SYNJ2: variants seen among roughly 807,000 people sequenced by gnomAD.
The protein encoded by SYNJ2 is synaptojanin 2, also known as polyphosphatidylinositol phosphatase SYNJ2.
Under a neutral mutation model 141.3 loss-of-function variants are expected in SYNJ2, and 116 were observed. The ratio of observed to expected loss-of-function variants is 0.82; its 90% CI spans 0.71 to 0.96. The LOEUF is 0.96. SYNJ2 is among the 40% of genes least tolerant of loss of function. The pLI is 0.00. For synonymous variants in SYNJ2, 745 were observed against 777.7 expected, an observed-to-expected ratio of 0.96 and a Z score of 0.70; for missense variants, 1,873 against 1,934.8, an observed-to-expected ratio of 0.97 and a Z score of 0.60.
chr6:158,087,053 A>T, intron 23 of SYNJ2, 64 bp downstream of exon 23: 3 of 1,544,286 alleles, frequency 1.9e-6, no homozygotes, highest in South Asian at 2.3e-5. Context: ...GTTCCCTGCT[A>T]CTGAAAACAC....
At chr6:157,990,727 CTG>C (rs1224833796) in intron 1 of SYNJ2, among the ~76,000 whole-genome samples, 5 of 152,232 alleles carry the variant, frequency 3.3e-5, no homozygotes, top group Admixed American at 2.0e-4. Flanking sequence ...GGCTGCCTGT[CTG>C]TGAATGCTAA....
chr6:157,983,166 G>A (rs1327626468), intron 1 of SYNJ2, among the ~76,000 whole-genome samples: 1 of 152,124 alleles, frequency 6.6e-6, no homozygotes, highest in African/African-American at 2.4e-5. Context: ...TGTATGCATC[G>A]ACTCCCGTTC....
At chr6:158,025,331 G>T (rs960679574) in intron 2 of SYNJ2, among the ~76,000 whole-genome samples, 1 of 152,068 alleles carries the variant, frequency 6.6e-6, no homozygotes, top group Admixed American at 6.6e-5. Flanking sequence ...TTAACTTGGG[G>T]GTGCACACAT....
chr6:157,992,758 T>C (rs1321191597), intron 1 of SYNJ2, among the ~76,000 whole-genome samples: 1 of 152,230 alleles, frequency 6.6e-6, no homozygotes, highest in Non-Finnish European at 1.5e-5. Flanking sequence ...TCCATGTTGT[T>C]GCAGATAACA....
rs574010586 is a variant in SYNJ2, at chr6:157,994,604, G to A, written c.127+12516G>A. 2.0e-5 allele frequency among the ~76,000 whole-genome samples: 3 copies of A among 152,334 alleles called. No homozygotes were observed. In the East Asian group the frequency reaches 5.8e-4, roughly 29 times the overall value. On this transcript the variant is annotated intron_variant, in intron 1 of 26. Coordinates refer to ENST00000355585, the MANE Select transcript of SYNJ2 (RefSeq NM_003898.4). Reference sequence around the variant, plus strand: ...AGCTGGGTGGAAAATGGGAGGGCCAGCAGCGAGCTGCAGGAATGGAATTCC... The same window carrying A: ...AGCTGGGTGGAAAATGGGAGGGCCAACAGCGAGCTGCAGGAATGGAATTCC...
At chr6:158,066,712 C>T (rs1458971292) in intron 12 of SYNJ2, 77 bp downstream of exon 12, 2 of 1,517,220 alleles carry the variant, frequency 1.3e-6, no homozygotes, top group Non-Finnish European at 1.8e-6. Context: ...CTTTAGTGGC[C>T]ATCGTCTTGT....
At chr6:157,989,276 C>G (rs140864628) in intron 1 of SYNJ2, among the ~76,000 whole-genome samples, 1 of 151,984 alleles carries the variant, frequency 6.6e-6, no homozygotes, top group East Asian at 1.9e-4. Flanking sequence ...TTACTTCATC[C>G]TTATGTCAAG....
chr6:158,005,293 G>A (rs1778023700), intron 1 of SYNJ2, among the ~76,000 whole-genome samples: 2 of 152,114 alleles, frequency 1.3e-5, no homozygotes, highest in South Asian at 2.1e-4. Flanking sequence ...TAGCCAGGAT[G>A]GTCTCAATCT....
chr6:158,078,015 C>T (rs1389833876), intron 17 of SYNJ2, 149 bp from the exon 18 acceptor site: 3 of 624,862 alleles, frequency 4.8e-6, no homozygotes, highest in Non-Finnish European at 5.8e-6. Context: ...GCATCCGAAG[C>T]CTGGCTTCAA....
chr6:158,030,336 A>G (rs1779295016), intron 3 of SYNJ2: 1 of 152,620 alleles, frequency 6.6e-6, no homozygotes, highest in Non-Finnish European at 1.5e-5. Context: ...AAGCTATATC[A>G]GTTTTCCCAG....
chr6:158,074,923 CTTTTTTT>C lies in SYNJ2; in HGVS notation c.2292+201_2292+207del, dbSNP rs66487650. Among the ~76,000 whole-genome samples, 197 of 144,330 alleles carry C rather than the reference CTTTTTTT, an allele frequency of 1.4e-3. 2 individuals carry two copies. Among genetic ancestry groups the C allele is most frequent in the African/African-American group, 4.7e-3 (182 of 38,640 alleles). The allele number at this position is 144,330 out of a possible 152,430, so 94.7% of individuals were successfully genotyped here. ...TGGCTGTTCATACACACTTCCTGTC[CTTTTTTT>C]TTTTTTTTTTTTTTTCCTGAGGCAG... is the stretch of plus-strand genomic sequence containing the variant. On this transcript the variant is annotated intron_variant, in intron 16 of 26. Coordinates refer to ENST00000355585, the MANE Select transcript of SYNJ2 (RefSeq NM_003898.4).
chr6:158,007,084 G>A (rs1458895397), intron 1 of SYNJ2, among the ~76,000 whole-genome samples: 1 of 152,110 alleles, frequency 6.6e-6, no homozygotes, highest in Non-Finnish European at 1.5e-5. Context: ...TCTCACCTCA[G>A]CCTCCCAAGA....
chr6:158,050,258 A>T (rs1259819267), intron 5 of SYNJ2, among the ~76,000 whole-genome samples: 6 of 152,254 alleles, frequency 3.9e-5, no homozygotes, highest in African/African-American at 7.2e-5. Context: ...TAAAACACAG[A>T]TTCCTGGCCC....
rs150526454 is a variant in SYNJ2 at position 158,078,211 on chromosome 6, G to C, written c.2497G>C (p.Val833Leu). ...LDSDLDVDTK[V>L]RHTWSPGALQ... ...CAGTGATCTAGATGTTGACACCAAA[G>C]TCAGACACACCTGGTCTCCTGGTGC... Residue 833 changes from valine (V) to leucine (L), a missense_variant, in exon 18 of 27, where the codon GTC becomes CTC. Coordinates refer to ENST00000355585, the MANE Select transcript of SYNJ2 (RefSeq NM_003898.4). The C allele has an allele frequency of 5.6e-6, 9 of 1,614,004 alleles. No individual in the cohort carries two copies. The highest frequency in any genetic ancestry group is 7.6e-6 in the Non-Finnish European group (9 of 1,180,016).
Position 158,059,355 on chromosome 6 carries a change from T to G in SYNJ2, c.954+2T>G. 1 of 1,549,792 alleles carries G rather than the reference T, an allele frequency of 6.5e-7. No homozygotes were observed. ...GAGGTGCTCAACAGAGCCTTCAAGGTAAGGCCAGGCTGTCCTCTCCACAGC... is the reference window on the plus strand; with the variant it reads ...GAGGTGCTCAACAGAGCCTTCAAGGGAAGGCCAGGCTGTCCTCTCCACAGC... On this transcript the variant is annotated splice_donor_variant, in intron 7 of 26. Transcript: ENST00000355585. LOFTEE classifies it high-confidence loss of function.
At chr6:157,998,922 C>T (rs573609099) in intron 1 of SYNJ2, among the ~76,000 whole-genome samples, 14 of 152,138 alleles carry the variant, frequency 9.2e-5, no homozygotes, top group East Asian at 5.8e-4. Flanking sequence ...CCCCTGTGTC[C>T]GAATGATAGA....
At chr6:158,063,338 G>C (rs1228126468) in intron 8 of SYNJ2, among the ~76,000 whole-genome samples, 1 of 152,096 alleles carries the variant, frequency 6.6e-6, no homozygotes, top group African/African-American at 2.4e-5. Flanking sequence ...TGGACACTGG[G>C]GTTTCTGGGG....
chr6:157,991,152 A>AAG (rs1427425082), intron 1 of SYNJ2, among the ~76,000 whole-genome samples: 1 of 151,980 alleles, frequency 6.6e-6, no homozygotes, highest in Non-Finnish European at 1.5e-5. Context: ...TAAGGAGGGG[A>AAG]AGAGAGAACG....
intron 1 of SYNJ2, among the ~76,000 whole-genome samples, chr6:157,994,701 G>A (rs1200590142): frequency 6.6e-6 from 1 of 152,242 alleles, no homozygotes. Context: ...CATCTGCCAC[G>A]CCCTCCAGGC....
Sources: allele counts gnomAD v4.1 joint callset (sites outside exome capture counted in the v4.1 genomes callset), GRCh38; gene constraint gnomAD v4.1.1; transcripts MANE v1.5; gene names NCBI Gene and HGNC (gene_info 2026-07-23, HGNC 2026-07-21).